The following KIF6 variants were observed in gnomAD, a reference collection of about 807,000 sequenced individuals.
KIF6 encodes kinesin family member 6, also known as kinesin-like protein KIF6.
KIF6 carries 106 observed loss-of-function variants against 112.7 expected under a neutral mutation model. That is an observed-to-expected ratio of 0.94 (90% CI 0.80 to 1.11). KIF6 has a LOEUF of 1.11. Ranked by LOEUF, KIF6 falls within the 50% of genes least tolerant of loss-of-function variation. The probability of loss-of-function intolerance (pLI) is 0.00; values close to 1 mark genes in which losing one functional copy is unlikely to be tolerated. For synonymous variants in KIF6, 339 were observed against 339.9 expected (o/e 1.00, Z 0.03); for missense variants, 929 against 964.0 (o/e 0.96, Z 0.48).
chr6:39,514,781 C>CT (rs397801881), intron 13 of KIF6, among the ~76,000 whole-genome samples: 12 of 151,940 alleles, frequency 7.9e-5, no homozygotes, highest in Admixed American at 2.0e-4. Flanking sequence ...TTTTCCCCCC[C>CT]GGGGATGATT....
At chr6:39,602,729 G>A (rs1489155188) in intron 6 of KIF6, among the ~76,000 whole-genome samples, 1 of 151,994 alleles carries the variant, frequency 6.6e-6, no homozygotes, top group Non-Finnish European at 1.5e-5. Flanking sequence ...ATCAGTCTTG[G>A]GCTTCAGTTA....
chr6:39,585,904 A>T (rs919612601), intron 8 of KIF6, among the ~76,000 whole-genome samples: 13 of 152,176 alleles, frequency 8.5e-5, no homozygotes, highest in African/African-American at 3.1e-4. Context: ...TCTCCAAGGT[A>T]TCCGGATCTT....
At chr6:39,588,122 C>A (rs564520999) in intron 7 of KIF6, among the ~76,000 whole-genome samples, 54 of 152,202 alleles carry the variant, frequency 3.5e-4, no homozygotes, top group Admixed American at 1.6e-3. Flanking sequence ...CTTTGTAGTG[C>A]CCCGGGGCTC....
intron 3 of KIF6, among the ~76,000 whole-genome samples, chr6:39,701,406 G>A (rs950953666): frequency 6.6e-6 from 1 of 152,310 alleles, no homozygotes; most frequent in African/African-American, 2.4e-5. Context: ...ACTGCTCTGA[G>A]GTGTATACAG....
intron 12 of KIF6, 166 bp downstream of exon 12, chr6:39,544,389 A>G: frequency 2.0e-6 from 1 of 504,104 alleles, no homozygotes; most frequent in Non-Finnish European, 3.3e-6. Flanking sequence ...ACTCTTTTTC[A>G]CTGGTTGCAA....
At chr6:39,635,338 TA>T (rs1444613107) in intron 4 of KIF6, among the ~76,000 whole-genome samples, 2 of 152,112 alleles carry the variant, frequency 1.3e-5, no homozygotes, top group Non-Finnish European at 2.9e-5. Flanking sequence ...AGTCTATTCA[TA>T]AAAAAGAACA....
chr6:39,396,256 A>G (rs528973730), intron 15 of KIF6, among the ~76,000 whole-genome samples: 10 of 152,368 alleles, frequency 6.6e-5, no homozygotes, highest in African/African-American at 2.2e-4. Flanking sequence ...TAGATGTTGC[A>G]TATGCACGTT....
rs1475010031 is a variant in KIF6 at position 39,540,149 on chromosome 6, C to G, written c.1499G>C (p.Arg500Thr). ...QEALHLAGMD[R>T]REFRQSQSPP... ...GCTCTGGGACTGTCTGAATTCACGT[C>G]TATCCATGCCAGCCAAGTGGAGAGC... Residue 500 changes from arginine to threonine, a missense_variant, in exon 13 of 23, where the codon AGA becomes ACA. Coordinates refer to ENST00000287152, the MANE Select transcript of KIF6 (RefSeq NM_145027.6). 6.2e-7 allele frequency: 1 copy of G among 1,614,156 alleles called. No individual in the cohort carries two copies. The highest frequency in any genetic ancestry group is 1.1e-5 in the South Asian group (1 of 91,072).
rs139283618 is a variant in KIF6 at position 39,534,579 on chromosome 6, C to T, written c.1645+5424G>A. Among the ~76,000 whole-genome samples, 211 of 152,282 alleles carry T rather than the reference C, an allele frequency of 1.4e-3. 6 individuals are homozygous for T. In the East Asian group the frequency reaches 0.033, roughly 24 times the overall value. On this transcript the variant is annotated intron_variant, in intron 13 of 22. Transcript: ENST00000287152. ...GGACTATGTGAAAAGACCAAACCTA[C>T]GTCTGATTGGTGTACCTAAAAGTGA... is the stretch of plus-strand genomic sequence containing the variant.
chr6:39,482,851 T>A (rs1156430089), intron 13 of KIF6, among the ~76,000 whole-genome samples: 4 of 152,166 alleles, frequency 2.6e-5, no homozygotes, highest in Non-Finnish European at 5.9e-5. Context: ...ACACATGTTC[T>A]ATGGATTGGA....
At chr6:39,545,478 G>A in intron 11 of KIF6, 105 bp downstream of exon 11, 1 of 683,250 alleles carries the variant, frequency 1.5e-6, no homozygotes, top group South Asian at 1.8e-5. Context: ...TTCTGGACAT[G>A]CAATGCTGGA....
At chr6:39,350,901 T>C (rs2150236694) in intron 19 of KIF6, among the ~76,000 whole-genome samples, 1 of 152,328 alleles carries the variant, frequency 6.6e-6, no homozygotes, top group Admixed American at 6.5e-5. Context: ...AGCCAGCCAC[T>C]CAAGTTGAGG....
At chr6:39,660,783 G>A (rs892401787) in intron 3 of KIF6, among the ~76,000 whole-genome samples, 25 of 152,162 alleles carry the variant, frequency 1.6e-4, no homozygotes, top group African/African-American at 6.0e-4. Context: ...ATGTGATCCA[G>A]AAGCGTCCAT....
rs571663394 is a variant in KIF6, at chr6:39,422,576, G to C, written c.1755-2573C>G. Among the ~76,000 whole-genome samples, 12 of 152,288 alleles carry C rather than the reference G, an allele frequency of 7.9e-5. No homozygotes were observed. The South Asian group carries it at 2.5e-3, about 32-fold the overall frequency. On this transcript the variant is annotated intron_variant, in intron 14 of 22. Coordinates refer to ENST00000287152, the MANE Select transcript of KIF6 (RefSeq NM_145027.6). ...GTTCCTGATCCCTGGTTGTCAAGAC[G>C]AACTCTGAAAGGCCCAACCCTGAGT...
At chr6:39,418,432 A>G (rs1473005732) in intron 15 of KIF6, among the ~76,000 whole-genome samples, 3 of 152,208 alleles carry the variant, frequency 2.0e-5, no homozygotes, top group African/African-American at 4.8e-5. Context: ...AGAAATATCT[A>G]TGTACTTTTA....
intron 13 of KIF6, among the ~76,000 whole-genome samples, chr6:39,477,103 CAT>C (rs1213402466): frequency 1.3e-5 from 2 of 152,096 alleles, no homozygotes; most frequent in Non-Finnish European, 2.9e-5. Context: ...GGCCCATAAA[CAT>C]ATGAAAAGGT....
chr6:39,446,959 A>C (rs941197370), intron 13 of KIF6, among the ~76,000 whole-genome samples: 3 of 152,234 alleles, frequency 2.0e-5, no homozygotes, highest in African/African-American at 7.2e-5. Flanking sequence ...ATACTATAAA[A>C]AGTGAAAGTG....
intron 3 of KIF6, among the ~76,000 whole-genome samples, chr6:39,703,010 C>A: frequency 6.6e-6 from 1 of 150,862 alleles, no homozygotes; most frequent in African/African-American, 2.4e-5. Flanking sequence ...GGAAAGTTGC[C>A]TTTCATTTCC....
At chr6:39,535,029 G>T (rs559338422) in intron 13 of KIF6, among the ~76,000 whole-genome samples, 4 of 151,886 alleles carry the variant, frequency 2.6e-5, no homozygotes, top group Non-Finnish European at 5.9e-5. Context: ...TTTTGTCACC[G>T]CCAGGCCTGC....
Sources: gnomAD v4.1 joint callset for allele counts (sites outside exome capture counted in the v4.1 genomes callset) on GRCh38, gnomAD v4.1.1 for gene constraint, MANE v1.5 for transcripts, NCBI Gene and HGNC (gene_info 2026-07-23, HGNC 2026-07-21) for gene names.